NLGN1: variants seen among roughly 807,000 people sequenced by gnomAD.
NLGN1 encodes the protein neuroligin-1.
Under a neutral mutation model 65.5 loss-of-function variants are expected in NLGN1, and 12 were observed. That is an observed-to-expected ratio of 0.18 (90% confidence interval 0.12 to 0.30). The LOEUF is 0.30. Ranked by LOEUF, NLGN1 falls within the 10% of genes least tolerant of loss-of-function variation. The pLI is 1.00. For missense variants in NLGN1, 750 were observed against 1,007.1 expected (o/e 0.74, Z 3.46); for synonymous variants, 350 against 359.5 (o/e 0.97, Z 0.30).
intron 4 of NLGN1, among the ~76,000 whole-genome samples, chr3:173,824,066 G>T (rs1417413995): frequency 6.6e-6 from 1 of 151,980 alleles, no homozygotes; most frequent in Non-Finnish European, 1.5e-5. Flanking sequence ...GGCTGTTACA[G>T]CTGAAAGAGA....
rs575636594 is a variant in NLGN1 at position 173,852,170 on chromosome 3, C to A, written c.646+44338C>A. 5.0e-4 allele frequency among the ~76,000 whole-genome samples: 75 copies of A among 151,194 alleles called. 1 individual carries two copies. The East Asian group carries it at 0.013, about 26-fold the overall frequency. Reference sequence around the variant, plus strand: ...AGGAGATCGAGACCATCCTGGCTAACACGGTGAAACCCTGTCTCTACTAAA... The same window carrying A: ...AGGAGATCGAGACCATCCTGGCTAAAACGGTGAAACCCTGTCTCTACTAAA... On this transcript the variant is annotated intron_variant, in intron 4 of 6. Coordinates refer to ENST00000457714, the Ensembl canonical transcript of NLGN1.
In NLGN1 at chr3:174,284,274, C is replaced by T. The variant is rs574190320; in HGVS notation, c.*2971C>T. 5 of 151,368 alleles carry T rather than the reference C, an allele frequency of 3.3e-5. No individual in the cohort carries two copies. The East Asian group carries it at 9.7e-4, about 29-fold the overall frequency. The allele number at this position is 151,368 out of a possible 1,614,324, so 9.4% of individuals were successfully genotyped here. A position where few individuals can be genotyped will look rare whatever the true frequency, so the allele number is the denominator to read the frequency against. On this transcript the variant is annotated 3_prime_UTR_variant, in exon 7 of 7. Coordinates refer to ENST00000457714, the Ensembl canonical transcript of NLGN1. The stretch of plus-strand genomic sequence containing the variant: ...GTTTTATAATTGCAGTCTCTAGTTT[C>T]TGAATGAAAAAGGATGCCCCACATT...
At chr3:173,506,883 GT>G (rs1321614532) in intron 2 of NLGN1, among the ~76,000 whole-genome samples, 1 of 152,054 alleles carries the variant, frequency 6.6e-6, no homozygotes, top group Non-Finnish European at 1.5e-5. Context: ...GGAGACTCTA[GT>G]TTTTAAAAGA....
intron 2 of NLGN1, among the ~76,000 whole-genome samples, chr3:173,470,578 T>G (rs371042385): frequency 2.0e-5 from 3 of 152,224 alleles, no homozygotes; most frequent in African/African-American, 7.2e-5. Context: ...TCTTCTCTTT[T>G]CTTCTGTTTG....
At chr3:173,441,523 T>C (rs1719200424) in intron 2 of NLGN1, among the ~76,000 whole-genome samples, 1 of 152,114 alleles carries the variant, frequency 6.6e-6, no homozygotes, top group African/African-American at 2.4e-5. Flanking sequence ...TATTGTTGTG[T>C]CTCTGGTAAT....
chr3:173,834,149 T>C (rs1295646588), intron 4 of NLGN1, among the ~76,000 whole-genome samples: 1 of 152,182 alleles, frequency 6.6e-6, no homozygotes, highest in Non-Finnish European at 1.5e-5. Flanking sequence ...ATTTTAAGTG[T>C]TAACTTTTCA....
chr3:174,284,494 C>T (rs1230283087), exon 7 of NLGN1: 1 of 151,144 alleles, frequency 6.6e-6, no homozygotes, highest in South Asian at 2.1e-4. Context: ...TTCCTGCCTC[C>T]GATTAAAAAT....
chr3:174,105,684 T>C (rs1427187318), intron 4 of NLGN1, among the ~76,000 whole-genome samples: 3 of 151,842 alleles, frequency 2.0e-5, no homozygotes, highest in Admixed American at 6.6e-5. Context: ...ATAATATCTA[T>C]ATGTAGATAT....
At chr3:173,780,059 A>G (rs2150313963) in intron 3 of NLGN1, among the ~76,000 whole-genome samples, 1 of 152,346 alleles carries the variant, frequency 6.6e-6, no homozygotes. Context: ...TTGCATGCAT[A>G]AAAAGCTATA....
intron 4 of NLGN1, among the ~76,000 whole-genome samples, chr3:173,836,502 A>G (rs1468500560): frequency 2.0e-5 from 3 of 152,186 alleles, no homozygotes; most frequent in African/African-American, 4.8e-5. Flanking sequence ...TTAAGAGAAA[A>G]ATGTATAAAA....
chr3:174,171,422 A>C (rs73035633), intron 4 of NLGN1, among the ~76,000 whole-genome samples: 2,290 of 152,184 alleles, frequency 0.015, 58 homozygotes, highest in African/African-American at 0.052. Context: ...TCATTTTCCA[A>C]ATGTAGGATT....
chr3:174,254,381 T>C (rs189481617), intron 4 of NLGN1, among the ~76,000 whole-genome samples: 144 of 151,062 alleles, frequency 9.5e-4, no homozygotes, highest in Non-Finnish European at 1.6e-3. Flanking sequence ...TTTCAAGTTT[T>C]ATCAGAGACC....
intron 2 of NLGN1, among the ~76,000 whole-genome samples, chr3:173,506,172 T>C (rs779463534): frequency 1.3e-5 from 2 of 152,080 alleles, no homozygotes; most frequent in African/African-American, 4.8e-5. Flanking sequence ...AAAGGAATTT[T>C]CTATCCTCTT....
intron 4 of NLGN1, among the ~76,000 whole-genome samples, chr3:174,162,375 T>C (rs200736267): frequency 3.3e-5 from 5 of 151,926 alleles, no homozygotes; most frequent in Admixed American, 2.6e-4. Context: ...AATCCAGTTA[T>C]GGATTGAGTT....
chr3:173,490,092 T>A (rs1185468069), intron 2 of NLGN1, among the ~76,000 whole-genome samples: 4 of 152,102 alleles, frequency 2.6e-5, no homozygotes, highest in Admixed American at 6.6e-5. Context: ...TAGTTTAATT[T>A]GATCCCACTT....
chr3:174,001,190 A>C (rs9942052), intron 4 of NLGN1, among the ~76,000 whole-genome samples: 49,306 of 152,002 alleles, frequency 0.32, 9,247 homozygotes, highest in African/African-American at 0.51. Context: ...TTTGAATTGC[A>C]AAGCTAAAAT....
intron 4 of NLGN1, among the ~76,000 whole-genome samples, chr3:174,239,527 A>T (rs1014936634): frequency 3.9e-5 from 6 of 152,196 alleles, no homozygotes; most frequent in African/African-American, 1.2e-4. Flanking sequence ...TAGTTATTAC[A>T]TCATGTAACC....
chr3:174,094,247 T>C (rs961418778), intron 4 of NLGN1, among the ~76,000 whole-genome samples: 1 of 152,200 alleles, frequency 6.6e-6, no homozygotes, highest in Non-Finnish European at 1.5e-5. Context: ...AATAGCACCG[T>C]ATAGACACAT....
At chr3:173,488,273 G>C (rs1303769207) in intron 2 of NLGN1, among the ~76,000 whole-genome samples, 1 of 151,652 alleles carries the variant, frequency 6.6e-6, no homozygotes, top group Non-Finnish European at 1.5e-5. Context: ...ATTTGTTTTA[G>C]TTCCAATTTG....
Sources: allele counts gnomAD v4.1 joint callset (sites outside exome capture counted in the v4.1 genomes callset), GRCh38; gene constraint gnomAD v4.1.1; transcripts MANE v1.5; gene names NCBI Gene and HGNC (gene_info 2026-07-23, HGNC 2026-07-21).